INO80D: variants seen among roughly 807,000 people sequenced by gnomAD.
INO80D encodes the protein INO80 complex subunit D.
A neutral mutation model predicts 87.6 loss-of-function variants in INO80D; 21 were observed. The ratio of observed to expected loss-of-function variants is 0.24; its 90% CI spans 0.17 to 0.35. INO80D has a LOEUF of 0.35. INO80D is among the 10% of genes least tolerant of loss of function. INO80D has a pLI of 1.00. For missense variants in INO80D, 982 were observed against 1,280.7 expected, an observed-to-expected ratio of 0.77 and a Z score of 3.56; for synonymous variants, 440 against 491.0, an observed-to-expected ratio of 0.90 and a Z score of 1.37.
At chr2:206,050,944 G>A (rs1689347280) in intron 4 of INO80D, among the ~76,000 whole-genome samples, 1 of 151,534 alleles carries the variant, frequency 6.6e-6, no homozygotes, top group South Asian at 2.1e-4. Flanking sequence ...ACTACAGCCC[G>A]GGTGACAGAG....
chr2:206,048,836 G>A (rs1223214439), intron 4 of INO80D, among the ~76,000 whole-genome samples: 1 of 152,310 alleles, frequency 6.6e-6, no homozygotes, highest in Non-Finnish European at 1.5e-5. Context: ...AGGAGGTTGA[G>A]GCTGCAGTGA....
chr2:206,039,040 C>T (rs941124281), intron 5 of INO80D, among the ~76,000 whole-genome samples: 2 of 152,142 alleles, frequency 1.3e-5, no homozygotes, highest in South Asian at 4.1e-4. Context: ...AAATGATAGA[C>T]TCATACTTAC....
At chr2:206,049,707 C>G (rs1395565636) in intron 4 of INO80D, among the ~76,000 whole-genome samples, 1 of 152,176 alleles carries the variant, frequency 6.6e-6, no homozygotes, top group Non-Finnish European at 1.5e-5. Flanking sequence ...TATTTAAATA[C>G]TCTTTGCTGA....
At chr2:206,071,924 C>T (rs1038525708) in intron 1 of INO80D, among the ~76,000 whole-genome samples, 4 of 152,032 alleles carry the variant, frequency 2.6e-5, no homozygotes, top group South Asian at 2.1e-4. Flanking sequence ...ATAATTTAGG[C>T]TTTACTTCTC....
At chr2:206,075,668 C>T (rs1168842285) in intron 1 of INO80D, among the ~76,000 whole-genome samples, 1 of 151,694 alleles carries the variant, frequency 6.6e-6, no homozygotes, top group Non-Finnish European at 1.5e-5. Flanking sequence ...AAACTCCTGA[C>T]ATCAAGTGAT....
At chr2:206,014,602 A>C (rs1019157721) in intron 8 of INO80D, among the ~76,000 whole-genome samples, 51 of 151,906 alleles carry the variant, frequency 3.4e-4, no homozygotes, top group African/African-American at 1.1e-3. Flanking sequence ...AGGCCTCCCC[A>C]GCCACGTGGA....
chr2:206,080,404 A>G (rs935245104), intron 1 of INO80D, among the ~76,000 whole-genome samples: 2 of 152,172 alleles, frequency 1.3e-5, no homozygotes, highest in Non-Finnish European at 2.9e-5. Context: ...TACTTACTAT[A>G]CCTTTATATT....
At chr2:206,040,643 C>A in intron 5 of INO80D, 1 of 230,034 alleles carries the variant, frequency 4.3e-6, no homozygotes, top group Admixed American at 4.9e-5. Flanking sequence ...AAGATCGAGT[C>A]TTTTGTGAAG....
intron 4 of INO80D, among the ~76,000 whole-genome samples, chr2:206,053,814 T>C (rs1179999963): frequency 6.6e-6 from 1 of 151,996 alleles, no homozygotes; most frequent in African/African-American, 2.4e-5. Flanking sequence ...TAATATACCA[T>C]GGACACATCC....
intron 6 of INO80D, 108 bp from the exon 7 acceptor site, chr2:206,019,953 T>C: frequency 1.4e-6 from 1 of 701,872 alleles, no homozygotes; most frequent in East Asian, 2.7e-5. Context: ...ATAATATATA[T>C]AACATCTACA....
rs1687967882 is a variant in INO80D, at chr2:206,004,445, G to C, written c.3007C>G (p.Pro1003Ala). Residue 1003 changes from proline to alanine, a missense_variant, in exon 11 of 11, where the codon CCT (proline) becomes GCT (alanine). By Grantham distance (27) the Pro-to-Ala change is conservative. Transcript: ENST00000403263. The surrounding 1 kb of genome is among the most constrained non-coding windows in gnomAD (Gnocchi z 4.9). ...LQPSHSSIAP[P>A]TGFTVTGATA... ...GCACCTGTTACTGTGAAGCCTGTAG[G>C]AGGGGCTATAGAGCTGTGGCTGGGC... 3 of 1,605,936 alleles carry C rather than the reference G, an allele frequency of 1.9e-6. No homozygotes were observed.
In INO80D at chr2:206,056,529, G is replaced by A. The variant is rs1451137808; in HGVS notation, c.633C>T (p.His211=). The change falls in exon 4 of 11, where the codon CAC becomes CAT. Residue 211 remains histidine (H), a synonymous_variant. Coordinates refer to ENST00000403263, the MANE Select transcript of INO80D (RefSeq NM_017759.5). ...SQQQPPQQHS[H]LSPLSTSLKP... is the part of the protein sequence containing the mutation. ...TTAAAGAAGTAGATAAAGGTGACAG[G>A]TGGGAGTGCTGCTGCGGAGGCTGCT... 3.7e-6 allele frequency: 6 copies of A among 1,613,316 alleles called. No individual in the cohort carries two copies. Among genetic ancestry groups the A allele is most frequent in the African/African-American group, 2.7e-5 (2 of 74,934 alleles).
At chr2:206,066,254 T>G (rs912673531) in intron 1 of INO80D, among the ~76,000 whole-genome samples, 8 of 150,610 alleles carry the variant, frequency 5.3e-5, no homozygotes, top group African/African-American at 2.0e-4. Flanking sequence ...AGACGATGTC[T>G]CAAAAAAAAA....
chr2:206,014,157 C>CA lies in INO80D; in HGVS notation c.1542+3522dup, dbSNP rs34155962. 6.7e-4 allele frequency among the ~76,000 whole-genome samples: 87 copies of CA among 128,962 alleles called. No individual in the cohort carries two copies. In the Middle Eastern group the frequency reaches 0.012, roughly 18 times the overall value. The allele number at this position is 128,962 out of a possible 152,430, so 84.6% of individuals were successfully genotyped here. A position where few individuals can be genotyped will look rare whatever the true frequency, so the allele number is the denominator to read the frequency against. ...TGGGTGACAGAGTAAAACTCCATCT[C>CA]AAAAAAAAAAAAAAAAACAACCTAT... On this transcript the variant is annotated intron_variant, in intron 8 of 10. Coordinates refer to ENST00000403263, the MANE Select transcript of INO80D (RefSeq NM_017759.5).
intron 3 of INO80D, among the ~76,000 whole-genome samples, chr2:206,060,059 G>A (rs369561423): frequency 6.6e-6 from 1 of 151,948 alleles, no homozygotes. Context: ...TTCAAAACTC[G>A]GCCAGCCACG....
chr2:206,007,765 T>C (rs818020), intron 9 of INO80D: 60,658 of 189,644 alleles, frequency 0.32, 10,950 homozygotes, highest in South Asian at 0.57. Flanking sequence ...GAGGTTGCAG[T>C]GAGCTGACAT....
intron 5 of INO80D, among the ~76,000 whole-genome samples, chr2:206,036,069 T>C (rs1688883782): frequency 6.6e-6 from 1 of 152,082 alleles, no homozygotes; most frequent in South Asian, 2.1e-4. Flanking sequence ...AGAATGGCCA[T>C]AATCAAAAAA....
At position 206,085,830 on chromosome 2, in the gene INO80D, C is replaced by T. The variant is rs13034386; in HGVS notation, c.-124+71G>A. On this transcript the variant is annotated intron_variant, in intron 1 of 10. Coordinates refer to ENST00000403263, the MANE Select transcript of INO80D (RefSeq NM_017759.5). This position sits in a 1 kb window ranked among gnomAD's most constrained non-coding sequence, Gnocchi z 4.5. The stretch of plus-strand genomic sequence containing the variant: ...TAAGCGCGCTCGCCGCCCGCCCAGC[C>T]TGCGCGGCCCAGCCCGCCGCCCTAC... The T allele has an allele frequency of 6.6e-6, 1 of 151,968 alleles. No individual in the cohort carries two copies. The highest frequency in any genetic ancestry group is 1.5e-5 in the Non-Finnish European group (1 of 68,102). 9.4% of individuals were successfully genotyped at this position (151,968 alleles called of 1,614,324 possible). A position where few individuals can be genotyped will look rare whatever the true frequency, so the allele number is the denominator to read the frequency against.
At chr2:206,056,973 A>C (rs1689543255) in intron 3 of INO80D, 30 bp from the exon 4 acceptor site, 1 of 1,525,102 alleles carries the variant, frequency 6.6e-7, no homozygotes, top group Non-Finnish European at 8.8e-7. Flanking sequence ...ATGGGAAAAC[A>C]GTCATGATAC....
Sources: gnomAD v4.1 joint callset for allele counts (sites outside exome capture counted in the v4.1 genomes callset) on GRCh38, gnomAD v4.1.1 for gene constraint, Gnocchi (gnomAD v3.1) non-coding constraint, MANE v1.5 for transcripts, NCBI Gene and HGNC (gene_info 2026-07-23, HGNC 2026-07-21) for gene names.